HDAC9: variants seen among roughly 807,000 people sequenced by gnomAD.
The protein encoded by HDAC9 is histone deacetylase 9.
In HDAC9, 41 loss-of-function variants were observed where a neutral mutation model predicts 139.4. The ratio of observed to expected loss-of-function variants is 0.29; its 90% confidence interval spans 0.23 to 0.38. The LOEUF is 0.38. HDAC9 is among the 10% of genes least tolerant of loss of function. The pLI, the probability that HDAC9 is intolerant of heterozygous loss-of-function variation, is 1.00. For synonymous variants in HDAC9, 517 were observed against 476.2 expected (o/e 1.09, Z -1.12); for missense variants, 1,147 against 1,297.0 (o/e 0.88, Z 1.78).
intron 7 of HDAC9, among the ~76,000 whole-genome samples, chr7:18,629,701 A>G (rs528815498): frequency 3.9e-5 from 6 of 152,250 alleles, no homozygotes; most frequent in African/African-American, 1.4e-4. Flanking sequence ...GTATGTGTCA[A>G]TCAAGGCATA....
chr7:18,109,898 A>G (rs1247162901), intron 1 of HDAC9, among the ~76,000 whole-genome samples: 1 of 152,190 alleles, frequency 6.6e-6, no homozygotes, highest in Non-Finnish European at 1.5e-5. Flanking sequence ...TTGCCCCCAC[A>G]TCAATCATTG....
chr7:18,925,288 T>C (rs867060071), intron 22 of HDAC9, among the ~76,000 whole-genome samples: 1 of 152,304 alleles, frequency 6.6e-6, no homozygotes, highest in South Asian at 2.1e-4. Flanking sequence ...TTGTCATTGA[T>C]TGACCTTTGT....
At chr7:18,711,422 A>AGT in intron 12 of HDAC9, among the ~76,000 whole-genome samples, 1 of 152,206 alleles carries the variant, frequency 6.6e-6, no homozygotes, top group Non-Finnish European at 1.5e-5. Flanking sequence ...ACTAGTGTTT[A>AGT]CAAATAAGCT....
At chr7:18,632,148 T>C (rs182049219) in intron 7 of HDAC9, among the ~76,000 whole-genome samples, 113 of 152,138 alleles carry the variant, frequency 7.4e-4, no homozygotes, top group Non-Finnish European at 1.4e-3. Flanking sequence ...AAGAAGCTCC[T>C]GTAAGAATTT....
intron 9 of HDAC9, 50 bp from the exon 10 acceptor site, chr7:18,647,735 G>A (rs1264621572): frequency 1.8e-5 from 26 of 1,459,336 alleles, no homozygotes; most frequent in Non-Finnish European, 2.3e-5. Flanking sequence ...GAGACCCAGT[G>A]ACCCACATGG....
At chr7:18,145,592 A>C (rs537267192) in intron 1 of HDAC9, among the ~76,000 whole-genome samples, 21 of 152,244 alleles carry the variant, frequency 1.4e-4, no homozygotes. Flanking sequence ...TTGAATGACT[A>C]TATATTAGTA....
chr7:18,846,341 T>C (rs1334083094), intron 21 of HDAC9, among the ~76,000 whole-genome samples: 1 of 152,184 alleles, frequency 6.6e-6, no homozygotes, highest in African/African-American at 2.4e-5. Flanking sequence ...CTAGTCTTTG[T>C]GACTGGGACC....
At chr7:18,790,152 A>C (rs116065568) in intron 16 of HDAC9, among the ~76,000 whole-genome samples, 1 of 152,150 alleles carries the variant, frequency 6.6e-6, no homozygotes, top group African/African-American at 2.4e-5. Flanking sequence ...TTTGGCCCTG[A>C]ACCCCATTTG....
chr7:18,804,630 A>G (rs1333500964), intron 17 of HDAC9, among the ~76,000 whole-genome samples: 3 of 152,186 alleles, frequency 2.0e-5, no homozygotes, highest in Non-Finnish European at 4.4e-5. Flanking sequence ...GTTGACTCCA[A>G]TTATGACCAA....
chr7:18,168,722 T>C (rs1377401964), intron 2 of HDAC9, among the ~76,000 whole-genome samples: 3 of 152,152 alleles, frequency 2.0e-5, no homozygotes, highest in Admixed American at 2.0e-4. Context: ...TTTCTGCATA[T>C]TTCTTAATTT....
rs73320015 is a variant in HDAC9 at position 18,857,558 on chromosome 7, T to C, written c.2685-16920T>C. ...ATAGCTGTAGTTTCTAGAGTAATTA[T>C]TGTTTTGAACTGGGAGAAAAAAATC... On this transcript the variant is annotated intron_variant, in intron 21 of 25. Coordinates refer to ENST00000686413, the MANE Select transcript of HDAC9 (RefSeq NM_178425.4). Among the ~76,000 whole-genome samples, 1,061 of 151,740 alleles carry C rather than the reference T, an allele frequency of 7.0e-3. 16 individuals carry two copies. The highest frequency in any genetic ancestry group is 0.024 in the African/African-American group (990 of 41,544).
intron 16 of HDAC9, among the ~76,000 whole-genome samples, chr7:18,784,593 G>C (rs7785216): frequency 0.79 from 119,325 of 151,912 alleles, 47,580 homozygotes; most frequent in Non-Finnish European, 0.85. Flanking sequence ...GGAGAGCACT[G>C]AGGAAGCATC....
At chr7:18,938,306 A>T (rs968304310) in intron 23 of HDAC9, among the ~76,000 whole-genome samples, 2 of 150,952 alleles carry the variant, frequency 1.3e-5, no homozygotes, top group Admixed American at 6.6e-5. Flanking sequence ...ATATGAAAGT[A>T]TCTCGCTGGC....
chr7:18,220,725 C>G (rs1444912558), intron 2 of HDAC9, among the ~76,000 whole-genome samples: 1 of 152,122 alleles, frequency 6.6e-6, no homozygotes. Context: ...ATGAAGCAAA[C>G]TGTAGACCAT....
chr7:18,868,481 C>T (rs17140158), intron 21 of HDAC9, among the ~76,000 whole-genome samples: 2,051 of 152,274 alleles, frequency 0.013, 16 homozygotes, highest in African/African-American at 0.021. Context: ...GTCTGATGTT[C>T]TTAACCGACT....
At chr7:18,950,999 C>A (rs1481664486) in intron 23 of HDAC9, among the ~76,000 whole-genome samples, 4 of 151,888 alleles carry the variant, frequency 2.6e-5, no homozygotes. Flanking sequence ...TGTTCTAAGT[C>A]ATGCAAATAA....
chr7:18,326,062 C>T (rs1415068634), intron 1 of HDAC9, among the ~76,000 whole-genome samples: 5 of 152,046 alleles, frequency 3.3e-5, no homozygotes, highest in African/African-American at 9.7e-5. Context: ...TCTTGATACA[C>T]GTGTGTAAAA....
At chr7:18,930,131 A>T (rs1415921562) in intron 22 of HDAC9, among the ~76,000 whole-genome samples, 1 of 152,082 alleles carries the variant, frequency 6.6e-6, no homozygotes, top group Non-Finnish European at 1.5e-5. Context: ...CTCTGCACTC[A>T]ATTAGGAAAC....
intron 1 of HDAC9, among the ~76,000 whole-genome samples, chr7:18,144,045 A>C (rs1382891619): frequency 6.6e-6 from 1 of 152,174 alleles, no homozygotes; most frequent in African/African-American, 2.4e-5. Context: ...TACATGTCAC[A>C]CCTGGTTTTG....
Sources: gnomAD v4.1 joint callset for allele counts (sites outside exome capture counted in the v4.1 genomes callset) on GRCh38, gnomAD v4.1.1 for gene constraint, MANE v1.5 for transcripts, NCBI Gene and HGNC (gene_info 2026-07-23, HGNC 2026-07-21) for gene names.